PCDH11Y: variants seen among roughly 807,000 people sequenced by gnomAD.
The protein encoded by PCDH11Y is protocadherin-11 Y-linked.
For synonymous variants in PCDH11Y, 9 were observed against 83.6 expected (o/e 0.11, Z 4.87); for missense variants, 12 against 224.8 (o/e 0.05, Z 6.05).
chrY:5,006,919 G>A, intron 1 of PCDH11Y, among the ~76,000 whole-genome samples: 1 of 33,516 alleles, frequency 3.0e-5, no homozygotes, highest in African/African-American at 1.2e-4. Flanking sequence ...CTCTATGCAA[G>A]GTTAATTGTA....
intron 2 of PCDH11Y, among the ~76,000 whole-genome samples, chrY:5,492,231 G>C: frequency 3.1e-5 from 1 of 32,786 alleles, no homozygotes; most frequent in African/African-American, 1.2e-4. Flanking sequence ...TGTTACAAAA[G>C]GTCCAAATAA....
intron 1 of PCDH11Y, among the ~76,000 whole-genome samples, chrY:5,095,772 G>T (rs2124634619): frequency 5.3e-4 from 17 of 32,044 alleles, no homozygotes; most frequent in African/African-American, 2.0e-3. Flanking sequence ...CGTATAACAT[G>T]AAAATGTTTT....
At chrY:5,486,953 C>T (rs2053333832) in intron 2 of PCDH11Y, among the ~76,000 whole-genome samples, 1 of 23,378 alleles carries the variant, frequency 4.3e-5, no homozygotes, top group Admixed American at 4.5e-4. Context: ...GGGGTTTCAC[C>T]GTGTTAGCCA....
At chrY:5,110,295 G>T, downstream of PCDH11Y, among the ~76,000 whole-genome samples, 1 of 31,487 alleles carries the variant, frequency 3.2e-5, no homozygotes, top group Non-Finnish European at 7.7e-5. Flanking sequence ...ACTTAGCCGG[G>T]TTTGGTGGTG....
chrY:5,327,495 C>T (rs2053123551), intron 2 of PCDH11Y, among the ~76,000 whole-genome samples: 1 of 33,631 alleles, frequency 3.0e-5, no homozygotes, highest in Non-Finnish European at 7.4e-5. Flanking sequence ...CTAGTGTTAA[C>T]AGGCTTTAAT....
intron 3 of PCDH11Y, among the ~76,000 whole-genome samples, chrY:5,503,128 A>G: frequency 3.0e-5 from 1 of 32,950 alleles, no homozygotes; most frequent in African/African-American, 1.2e-4. Context: ...GCTAGCATCA[A>G]TGTATTAGCT....
At chrY:5,433,044 C>G (rs1602924630) in intron 2 of PCDH11Y, among the ~76,000 whole-genome samples, 1 of 33,357 alleles carries the variant, frequency 3.0e-5, no homozygotes, top group Non-Finnish European at 7.4e-5. Flanking sequence ...GGCATTATAA[C>G]ATGAAAAAGT....
chrY:5,191,589 C>T (rs2052912500), intron 2 of PCDH11Y, among the ~76,000 whole-genome samples: 1 of 31,185 alleles, frequency 3.2e-5, no homozygotes, highest in Non-Finnish European at 7.7e-5. Context: ...TTTTAAGCCC[C>T]GCATACATTA....
downstream of PCDH11Y, among the ~76,000 whole-genome samples, chrY:5,106,553 G>A (rs2052792154): frequency 3.0e-4 from 9 of 30,014 alleles, no homozygotes; most frequent in Non-Finnish European, 7.2e-4. Context: ...CATGCTATCT[G>A]GTTGTTTAAA....
intron 4 of PCDH11Y, among the ~76,000 whole-genome samples, chrY:5,612,237 A>AT: frequency 3.0e-5 from 1 of 33,138 alleles, no homozygotes; most frequent in Non-Finnish European, 7.4e-5. Flanking sequence ...ATATTGTATG[A>AT]TTTTTCTAAA....
intron 1 of PCDH11Y, among the ~76,000 whole-genome samples, chrY:5,078,710 A>C: frequency 3.0e-5 from 1 of 32,891 alleles, no homozygotes; most frequent in Admixed American, 2.7e-4. Flanking sequence ...ATTACCTCAC[A>C]CCAGGTTCCT....
At chrY:5,467,147 C>T in intron 2 of PCDH11Y, among the ~76,000 whole-genome samples, 1 of 31,276 alleles carries the variant, frequency 3.2e-5, no homozygotes, top group East Asian at 8.4e-4. Context: ...CATTTATTCA[C>T]GGTAGTTTAT....
intron 2 of PCDH11Y, among the ~76,000 whole-genome samples, chrY:5,392,826 T>C: frequency 3.0e-5 from 1 of 33,883 alleles, no homozygotes. Flanking sequence ...TTGTAGCTTC[T>C]TACCACAATT....
chrY:5,235,903 T>G, intron 2 of PCDH11Y, among the ~76,000 whole-genome samples: 2 of 33,640 alleles, frequency 5.9e-5, no homozygotes, highest in Admixed American at 2.7e-4. Context: ...CATTCCCTGT[T>G]TTCTGCAACC....
chrY:5,374,396 TCTCA>T, intron 2 of PCDH11Y, among the ~76,000 whole-genome samples: 1 of 28,305 alleles, frequency 3.5e-5, no homozygotes, highest in Non-Finnish European at 8.2e-5. Flanking sequence ...TCTCTCTTTC[TCTCA>T]CTCTCTCTCT....
At chrY:5,029,539 A>G (rs2124621151) in intron 1 of PCDH11Y, among the ~76,000 whole-genome samples, 3 of 33,127 alleles carry the variant, frequency 9.1e-5, no homozygotes, top group South Asian at 1.3e-3. Context: ...AATAAACGTT[A>G]ATCCACAGAG....
intron 2 of PCDH11Y, among the ~76,000 whole-genome samples, chrY:5,136,159 T>C: frequency 1.5e-4 from 5 of 33,569 alleles, no homozygotes; most frequent in African/African-American, 5.8e-4. Flanking sequence ...CAGGACACTT[T>C]GCAGACATCC....
intron 4 of PCDH11Y, among the ~76,000 whole-genome samples, chrY:5,591,948 G>A: frequency 2.7e-4 from 9 of 33,292 alleles, no homozygotes; most frequent in African/African-American, 8.2e-4. Flanking sequence ...AGTGTTTTGT[G>A]TCCGATTATG....
downstream of PCDH11Y, among the ~76,000 whole-genome samples, chrY:5,108,470 G>C (rs1306932860): frequency 9.4e-3 from 308 of 32,899 alleles, no homozygotes; most frequent in Non-Finnish European, 0.019. Context: ...ATACTTGGCC[G>C]GGCGTGGTGG....
Sources: allele counts gnomAD v4.1 joint callset (sites outside exome capture counted in the v4.1 genomes callset), GRCh38; gene constraint gnomAD v4.1.1; transcripts MANE v1.5; gene names NCBI Gene and HGNC (gene_info 2026-07-23, HGNC 2026-07-21).